M6PR: variants seen among roughly 807,000 people sequenced by gnomAD.
M6PR encodes mannose-6-phosphate receptor, cation dependent.
Under a neutral mutation model 33.1 loss-of-function variants are expected in M6PR, and 19 were observed. The ratio of observed to expected loss-of-function variants is 0.57; its 90% CI spans 0.40 to 0.84. M6PR has a LOEUF of 0.84. M6PR is among the 40% of genes least tolerant of loss of function. The probability of loss-of-function intolerance (pLI) is 0.00; values close to 1 mark genes in which losing one functional copy is unlikely to be tolerated. For synonymous variants in M6PR, 111 were observed against 123.4 expected (o/e 0.90, Z 0.67); for missense variants, 295 against 336.0 (o/e 0.88, Z 0.95).
In M6PR at chr12:8,941,959, G is replaced by A. The variant is rs3026260; in HGVS notation, c.712-19C>T. The stretch of plus-strand genomic sequence containing the variant: ...AGCCATCCTGTAGGGGGAAAAAAAA[G>A]AAGGAAATAATTCGCAGCATCTAAC... On this transcript the variant is annotated intron_variant, in intron 6 of 6. Coordinates refer to ENST00000000412, the MANE Select transcript of M6PR (RefSeq NM_002355.4). 5,642 of 1,613,396 alleles carry A rather than the reference G, an allele frequency of 3.5e-3. 136 individuals carry two copies. The African/African-American group carries it at 0.066, about 19-fold the overall frequency.
At chr12:8,946,162 A>G in intron 2 of M6PR, 67 bp downstream of exon 2, 1 of 1,475,180 alleles carries the variant, frequency 6.8e-7, no homozygotes, top group South Asian at 1.3e-5. Flanking sequence ...TATGAAATAA[A>G]ATCAGTAAGA....
chr12:8,942,102 C>CA (rs1338686334), intron 6 of M6PR, 162 bp from the exon 7 acceptor site: 1 of 856,740 alleles, frequency 1.2e-6, no homozygotes, highest in Non-Finnish European at 1.8e-6. Context: ...TTTGGGGCAA[C>CA]AGGAGAAAAA....
intron 1 of M6PR, among the ~76,000 whole-genome samples, chr12:8,947,836 G>GTTTT (rs199863898): frequency 6.8e-6 from 1 of 146,590 alleles, no homozygotes. Context: ...AAAACTGTGG[G>GTTTT]TTTTTTTTTT....
In M6PR at chr12:8,940,714, A is replaced by C; in HGVS notation, c.*1104T>G. The C allele has an allele frequency of 1.1e-5, 1 of 88,990 alleles. No individual in the cohort carries two copies. The highest frequency in any genetic ancestry group is 2.8e-3 in the Middle Eastern group (1 of 358). The allele number at this position is 88,990 out of a possible 1,614,324, so 5.5% of individuals were successfully genotyped here. Reference sequence around the variant, plus strand: ...CTGGGCACATGGCCTAAACAGGAAGATGGAAGCATCAGAGGATTAAAAACC... The same window carrying C: ...CTGGGCACATGGCCTAAACAGGAAGCTGGAAGCATCAGAGGATTAAAAACC... On this transcript the variant is annotated 3_prime_UTR_variant, in exon 7 of 7. Coordinates refer to ENST00000000412, the MANE Select transcript of M6PR (RefSeq NM_002355.4).
intron 4 of M6PR, 124 bp from the exon 5 acceptor site, chr12:8,943,659 C>T (rs1592222376): frequency 1.4e-5 from 19 of 1,378,282 alleles, no homozygotes; most frequent in Admixed American, 6.7e-5. Context: ...ATGGAAGATG[C>T]GTGTCTGACA....
Position 8,945,430 on chromosome 12 carries a change from T to A in M6PR, c.331A>T (p.Ile111Phe). The change falls in exon 3 of 7, where the codon ATC becomes TTC. Residue 111 changes from isoleucine (I) to phenylalanine (F), a missense_variant. By Grantham distance (21) the Ile-to-Phe change is conservative (BLOSUM62 0). Transcript: ENST00000000412. ...GGAGTTTTCTTACTTCCGTTGAAGA[T>A]GTGAGTCTCGTTGAGTCTCCCTACC... ...TVVGRLNETH[I>F]FNGSNWIMLI... The A allele has an allele frequency of 6.2e-7, 1 of 1,614,088 alleles. No individual in the cohort carries two copies.
rs1301024888 is a variant in M6PR, at chr12:8,943,794, G to A, written c.453+7C>T. On this transcript the variant is annotated splice_region_variant and intron_variant, in intron 4 of 6. Coordinates refer to ENST00000000412, the MANE Select transcript of M6PR (RefSeq NM_002355.4). The stretch of plus-strand genomic sequence containing the variant: ...TCCCTCGGCTTATACAACACAGGGT[G>A]CCTCACCGCTAGGGTGTGTCGATTG... The A allele has an allele frequency of 2.5e-6, 4 of 1,609,038 alleles. No individual in the cohort carries two copies. Among genetic ancestry groups the A allele is most frequent in the Non-Finnish European group, 3.4e-6 (4 of 1,177,038 alleles).
rs1488881243 is a variant in M6PR at position 8,949,190 on chromosome 12, T to C, written c.-2+298A>G. On this transcript the variant is annotated intron_variant, in intron 1 of 6. Coordinates refer to ENST00000000412, the MANE Select transcript of M6PR (RefSeq NM_002355.4). The surrounding 1 kb of genome is among the most constrained non-coding windows in gnomAD (Gnocchi z 5.6). Reference sequence around the variant, plus strand: ...CCGTGATGCAGGCCAAAATTCCTCCTACAAATAAATCCACCAACACCTCCA... The same window carrying C: ...CCGTGATGCAGGCCAAAATTCCTCCCACAAATAAATCCACCAACACCTCCA... Among the ~76,000 whole-genome samples the C allele has an allele frequency of 1.3e-5, 2 of 152,116 alleles. No homozygotes were observed. Among genetic ancestry groups the C allele is most frequent in the African/African-American group, 4.8e-5 (2 of 41,424 alleles).
intron 3 of M6PR, 118 bp downstream of exon 3, chr12:8,945,300 C>A: frequency 9.6e-7 from 1 of 1,040,366 alleles, no homozygotes; most frequent in South Asian, 1.5e-5. Context: ...CTCAGGTGTG[C>A]CGAACCACAC....
chr12:8,949,121 G>A lies in M6PR; in HGVS notation c.-2+367C>T, dbSNP rs980143727. ...TGTCTAGTGTCCCGACTTTCCAAGC[G>A]CTTGTAGCCATACCCTCTCCAAATG... On this transcript the variant is annotated intron_variant, in intron 1 of 6. Transcript: ENST00000000412. This position sits in a 1 kb window ranked among gnomAD's most constrained non-coding sequence, Gnocchi z 5.6. Among the ~76,000 whole-genome samples the A allele has an allele frequency of 6.6e-6, 1 of 152,000 alleles. No individual in the cohort carries two copies. Among genetic ancestry groups the A allele is most frequent in the Admixed American group, 6.5e-5 (1 of 15,274 alleles).
rs1279998399 is a variant in M6PR, at chr12:8,941,584, GCC to G, written c.*232_*233del. On this transcript the variant is annotated 3_prime_UTR_variant, in exon 7 of 7. Transcript: ENST00000000412. The stretch of plus-strand genomic sequence containing the variant: ...AATGCAAAAGCCTCTGTTTTCACAG[GCC>G]CTATTATATTAACTCTGACTTACAA... The G allele has an allele frequency of 4.4e-6, 2 of 456,774 alleles. No individual in the cohort carries two copies. Among genetic ancestry groups the G allele is most frequent in the Non-Finnish European group, 7.8e-6 (2 of 257,964 alleles). 28.3% of individuals were successfully genotyped at this position (456,774 alleles called of 1,614,324 possible). A position where few individuals can be genotyped will look rare whatever the true frequency, so the allele number is the denominator to read the frequency against.
chr12:8,943,467 A>C lies in M6PR; in HGVS notation c.522T>G (p.Asp174Glu), dbSNP rs1171651425. Residue 174 changes from aspartate to glutamate, a missense_variant, in exon 5 of 7, where the codon GAT becomes GAG. Asp to Glu is a conservative substitution (Grantham distance 45). Transcript: ENST00000000412. Reference protein sequence around the residue: ...VQDCFYLFEMDSSLACSPEIS... With the variant: ...VQDCFYLFEMESSLACSPEIS... ...TCTCTGGTGAACAGGCCAGGCTGCTATCCATCTCAAAGAGGTAGAAACAAT... is the reference window on the plus strand; with the variant it reads ...TCTCTGGTGAACAGGCCAGGCTGCTCTCCATCTCAAAGAGGTAGAAACAAT... 1 of 1,614,188 alleles carries C rather than the reference A, an allele frequency of 6.2e-7. No individual in the cohort carries two copies. Among genetic ancestry groups the C allele is most frequent in the Admixed American group, 1.7e-5 (1 of 60,028 alleles).
chr12:8,940,500 T>C lies in M6PR; in HGVS notation c.*1318A>G, dbSNP rs1171115606. On this transcript the variant is annotated 3_prime_UTR_variant, in exon 7 of 7. Transcript: ENST00000000412. The stretch of plus-strand genomic sequence containing the variant: ...GATGCTTTTGTAACATTATTTTCCC[T>C]GTTTAGAAAGAAAAAAATCACTCCA... The C allele has an allele frequency of 8.8e-6, 1 of 113,820 alleles. No individual in the cohort carries two copies. The highest frequency in any genetic ancestry group is 1.9e-5 in the Non-Finnish European group (1 of 51,290). 7.1% of individuals were successfully genotyped at this position (113,820 alleles called of 1,614,324 possible).
intron 1 of M6PR, among the ~76,000 whole-genome samples, chr12:8,947,683 T>C (rs1180501144): frequency 1.3e-5 from 2 of 152,234 alleles, no homozygotes; most frequent in Non-Finnish European, 2.9e-5. Flanking sequence ...TTATTGTTGC[T>C]ATTTTACCAG....
chr12:8,948,370 CTG>C (rs1427095799), intron 1 of M6PR, among the ~76,000 whole-genome samples: 1 of 152,162 alleles, frequency 6.6e-6, no homozygotes, highest in Non-Finnish European at 1.5e-5. Context: ...GATGAGAAAA[CTG>C]ATGCTTTACA....
chr12:8,944,057 T>C, intron 3 of M6PR, 147 bp from the exon 4 acceptor site: 1 of 640,336 alleles, frequency 1.6e-6, no homozygotes, highest in South Asian at 1.7e-5. Context: ...ATACCAGAAA[T>C]GCCAAGCTAA....
rs1592220926 is a variant in M6PR, at chr12:8,942,229, C to G, written c.711+187G>C. 1.2e-5 allele frequency: 9 copies of G among 751,108 alleles called. No homozygotes were observed. In the East Asian group the frequency reaches 2.2e-4, roughly 18 times the overall value. 46.5% of individuals were successfully genotyped at this position (751,108 alleles called of 1,614,324 possible). On this transcript the variant is annotated intron_variant, in intron 6 of 6. Coordinates refer to ENST00000000412, the MANE Select transcript of M6PR (RefSeq NM_002355.4). Reference sequence around the variant, plus strand: ...CTCTTTCAGCAATGTCTTACCAAGGCCAGAAATGGATGCTGTGCCACTTAC... The same window carrying G: ...CTCTTTCAGCAATGTCTTACCAAGGGCAGAAATGGATGCTGTGCCACTTAC...
At position 8,941,954 on chromosome 12, in the gene M6PR, A is replaced by G. The variant is rs755701743; in HGVS notation, c.712-14T>C. 1.9e-5 allele frequency: 31 copies of G among 1,613,864 alleles called. No individual in the cohort carries two copies. The South Asian group carries it at 3.4e-4, about 18-fold the overall frequency. On this transcript the variant is annotated splice_polypyrimidine_tract_variant and intron_variant, in intron 6 of 6. Transcript: ENST00000000412. ...GTCACAGCCATCCTGTAGGGGGAAA[A>G]AAAAGAAGGAAATAATTCGCAGCAT...
In M6PR at chr12:8,943,567, G is replaced by A. The variant is rs368603009; in HGVS notation, c.454-32C>T. On this transcript the variant is annotated intron_variant, in intron 4 of 6. Coordinates refer to ENST00000000412, the MANE Select transcript of M6PR (RefSeq NM_002355.4). Reference sequence around the variant, plus strand: ...ATGAGATGGCATAACACATTCAGGTGGTTAAGTGTTTTGACTCCTGTCCAA... The same window carrying A: ...ATGAGATGGCATAACACATTCAGGTAGTTAAGTGTTTTGACTCCTGTCCAA... The A allele has an allele frequency of 3.1e-6, 5 of 1,613,720 alleles. No individual in the cohort carries two copies. The African/African-American group carries it at 6.7e-5, about 22-fold the overall frequency.
Sources: gnomAD v4.1 joint callset for allele counts (sites outside exome capture counted in the v4.1 genomes callset) on GRCh38, gnomAD v4.1.1 for gene constraint, Gnocchi (gnomAD v3.1) non-coding constraint, MANE v1.5 for transcripts, NCBI Gene and HGNC (gene_info 2026-07-23, HGNC 2026-07-21) for gene names.